GPM6A: variants seen among roughly 807,000 people sequenced by gnomAD.
GPM6A encodes the protein glycoprotein M6A, also known as neuronal membrane glycoprotein M6-a.
GPM6A carries 7 observed loss-of-function variants against 32.1 expected under a neutral mutation model. The observed-to-expected ratio is 0.22, with a 90% confidence interval of 0.12 to 0.41. The LOEUF (loss-of-function observed/expected upper bound fraction) is 0.41. Among genes scored for constraint, GPM6A ranks in the 10% least tolerant of loss-of-function variants. The probability of loss-of-function intolerance (pLI) is 1.00; values close to 1 mark genes in which losing one functional copy is unlikely to be tolerated. For synonymous variants in GPM6A, 130 were observed against 123.4 expected, an observed-to-expected ratio of 1.05 and a Z score of -0.35; for missense variants, 235 against 347.2, an observed-to-expected ratio of 0.68 and a Z score of 2.57.
chr4:175,841,270 T>C (rs533115675), intron 1 of GPM6A, among the ~76,000 whole-genome samples: 3 of 152,146 alleles, frequency 2.0e-5, no homozygotes, highest in Non-Finnish European at 2.9e-5. Context: ...TAACATACAT[T>C]TTATAAGCTT....
intron 1 of GPM6A, among the ~76,000 whole-genome samples, chr4:175,868,498 C>T (rs1736807950): frequency 1.3e-5 from 2 of 152,176 alleles, no homozygotes; most frequent in Admixed American, 1.3e-4. Context: ...TTACCTGCAT[C>T]CGACACATTT....
At chr4:175,695,796 A>T (rs1424804919) in intron 2 of GPM6A, among the ~76,000 whole-genome samples, 3 of 152,170 alleles carry the variant, frequency 2.0e-5, no homozygotes, top group African/African-American at 7.2e-5. Context: ...GAGATTTGGG[A>T]GAGGCCTAGG....
At chr4:175,983,616 C>A (rs747401525) in intron 1 of GPM6A, among the ~76,000 whole-genome samples, 16 of 152,080 alleles carry the variant, frequency 1.1e-4, no homozygotes, top group Non-Finnish European at 2.1e-4. Flanking sequence ...CATTTGAAAC[C>A]ATTTCCTTGC....
chr4:175,734,737 G>T (rs1428045536), intron 1 of GPM6A, among the ~76,000 whole-genome samples: 1 of 152,054 alleles, frequency 6.6e-6, no homozygotes, highest in Non-Finnish European at 1.5e-5. Flanking sequence ...GCTGGGTGTG[G>T]TGGCAGATGC....
chr4:175,794,930 A>G (rs1023807733), intron 1 of GPM6A, among the ~76,000 whole-genome samples: 3 of 152,240 alleles, frequency 2.0e-5, no homozygotes, highest in Non-Finnish European at 2.9e-5. Flanking sequence ...AACAGAATCC[A>G]TGAATATATT....
At chr4:175,707,101 T>A (rs1198995898) in intron 1 of GPM6A, among the ~76,000 whole-genome samples, 3 of 152,198 alleles carry the variant, frequency 2.0e-5, no homozygotes, top group Non-Finnish European at 2.9e-5. Flanking sequence ...TTGTTTAGCA[T>A]ATAATCAAGA....
At chr4:175,992,712 C>A (rs1741189616) in intron 1 of GPM6A, among the ~76,000 whole-genome samples, 1 of 152,076 alleles carries the variant, frequency 6.6e-6, no homozygotes, top group Non-Finnish European at 1.5e-5. Flanking sequence ...ATGTATTTAT[C>A]TATATATTCC....
At chr4:175,856,861 G>A (rs535400512) in intron 1 of GPM6A, among the ~76,000 whole-genome samples, 84 of 152,196 alleles carry the variant, frequency 5.5e-4, no homozygotes, top group African/African-American at 2.0e-3. Context: ...TACAGAGTTG[G>A]GGGCATGGGA....
intron 1 of GPM6A, among the ~76,000 whole-genome samples, chr4:175,705,526 G>A (rs1253088294): frequency 6.6e-6 from 1 of 152,130 alleles, no homozygotes; most frequent in Non-Finnish European, 1.5e-5. Context: ...CTCCCATCTG[G>A]GGAAGCAGCG....
chr4:175,985,746 A>G (rs1276713113), intron 1 of GPM6A, among the ~76,000 whole-genome samples: 2 of 152,084 alleles, frequency 1.3e-5, no homozygotes, highest in Non-Finnish European at 2.9e-5. Flanking sequence ...TTCCTAATTT[A>G]CTTATAATTT....
chr4:175,842,159 A>C (rs922950483), intron 1 of GPM6A, among the ~76,000 whole-genome samples: 8 of 152,104 alleles, frequency 5.3e-5, no homozygotes, highest in African/African-American at 1.9e-4. Flanking sequence ...GGTAACAGCA[A>C]TTTTTTTGTA....
intron 1 of GPM6A, among the ~76,000 whole-genome samples, chr4:175,712,724 G>A (rs1262438451): frequency 1.3e-5 from 2 of 152,108 alleles, no homozygotes; most frequent in Non-Finnish European, 2.9e-5. Context: ...CTATGCCTAT[G>A]CTAGCAGCAT....
intron 1 of GPM6A, among the ~76,000 whole-genome samples, chr4:175,771,981 C>T (rs939249127): frequency 6.6e-6 from 1 of 152,208 alleles, no homozygotes; most frequent in African/African-American, 2.4e-5. Context: ...GGCCAACAGA[C>T]TTATTTCTGA....
intron 1 of GPM6A, among the ~76,000 whole-genome samples, chr4:175,926,044 G>A (rs1256327130): frequency 6.6e-6 from 1 of 152,004 alleles, no homozygotes; most frequent in Non-Finnish European, 1.5e-5. Context: ...AAGAGATGGA[G>A]TTTTGCCTTA....
intron 2 of GPM6A, among the ~76,000 whole-genome samples, chr4:175,687,741 G>C (rs1682382380): frequency 6.6e-6 from 1 of 152,044 alleles, no homozygotes; most frequent in Admixed American, 6.6e-5. Flanking sequence ...ATTTTCCAAG[G>C]AACTGCCAAA....
intron 1 of GPM6A, among the ~76,000 whole-genome samples, chr4:175,860,449 A>C (rs1346200324): frequency 6.6e-6 from 1 of 152,202 alleles, no homozygotes; most frequent in Non-Finnish European, 1.5e-5. Flanking sequence ...TAACTTAGAT[A>C]AAATGGACCA....
chr4:175,881,140 T>C (rs1486467320), intron 1 of GPM6A, among the ~76,000 whole-genome samples: 2 of 151,906 alleles, frequency 1.3e-5, no homozygotes, highest in African/African-American at 4.8e-5. Flanking sequence ...CTCAAACAAA[T>C]TTACAAGAAA....
intron 1 of GPM6A, among the ~76,000 whole-genome samples, chr4:175,725,343 G>A (rs375463600): frequency 1.5e-4 from 23 of 150,384 alleles, no homozygotes; most frequent in African/African-American, 5.4e-4. Flanking sequence ...CCAGGCTGGA[G>A]TGCAGTGGCG....
chr4:175,791,374 A>G (rs530465258), intron 1 of GPM6A, among the ~76,000 whole-genome samples: 8 of 152,308 alleles, frequency 5.3e-5, no homozygotes, highest in African/African-American at 1.9e-4. Flanking sequence ...ACCACTCCTT[A>G]GCATTGCAAA....
Sources: gnomAD v4.1 joint callset for allele counts (sites outside exome capture counted in the v4.1 genomes callset) on GRCh38, gnomAD v4.1.1 for gene constraint, MANE v1.5 for transcripts, NCBI Gene and HGNC (gene_info 2026-07-23, HGNC 2026-07-21) for gene names.